Variants in SWAP70 observed in about 807,000 individuals in gnomAD.
SWAP70 encodes the protein switching B cell complex subunit SWAP70, also known as switch-associated protein 70.
A neutral mutation model predicts 80.2 loss-of-function variants in SWAP70; 34 were observed. The ratio of observed to expected loss-of-function variants is 0.42; its 90% CI spans 0.32 to 0.56. The LOEUF (loss-of-function observed/expected upper bound fraction) is 0.56, where lower values mean the gene tolerates loss of function less well. Ranked by LOEUF, SWAP70 falls within the 20% of genes least tolerant of loss-of-function variation. SWAP70 has a pLI of 0.09. For missense variants in SWAP70, 578 were observed against 690.7 expected (o/e 0.84, Z 1.83); for synonymous variants, 239 against 238.5 (o/e 1.00, Z -0.02).
intron 2 of SWAP70, among the ~76,000 whole-genome samples, chr11:9,696,320 T>G (rs1448573166): frequency 6.6e-6 from 1 of 152,206 alleles, no homozygotes; most frequent in East Asian, 1.9e-4. Context: ...TTAAATAATT[T>G]TTAAAATTGG....
intron 1 of SWAP70, among the ~76,000 whole-genome samples, chr11:9,676,988 C>G (rs916850023): frequency 1.3e-5 from 2 of 151,620 alleles, no homozygotes; most frequent in Admixed American, 6.6e-5. Flanking sequence ...TTTCAGTCCA[C>G]ACTTGCTTGA....
At chr11:9,696,358 A>G (rs544963505) in intron 2 of SWAP70, among the ~76,000 whole-genome samples, 1 of 152,226 alleles carries the variant, frequency 6.6e-6, no homozygotes, top group African/African-American at 2.4e-5. Flanking sequence ...AAGGTAGTAC[A>G]TAAGCAGTTA....
At chr11:9,731,595 G>C (rs1851299273) in intron 6 of SWAP70, among the ~76,000 whole-genome samples, 1 of 152,126 alleles carries the variant, frequency 6.6e-6, no homozygotes. Flanking sequence ...TAGTACTTTT[G>C]GTGTGCCATG....
chr11:9,721,714 G>C (rs1314561757), intron 3 of SWAP70, among the ~76,000 whole-genome samples: 1 of 151,904 alleles, frequency 6.6e-6, no homozygotes, highest in Admixed American at 6.6e-5. Context: ...CCCAAGTGAT[G>C]CTCCTGTCTC....
rs759910023 is a variant in SWAP70 at position 9,699,861 on chromosome 11, A to AGT, written c.240+5580_240+5581dup. On this transcript the variant is annotated intron_variant, in intron 2 of 11. Transcript: ENST00000318950. The stretch of plus-strand genomic sequence containing the variant: ...TCTCACTGTGTCACCCAGGCTGTAT[A>AGT]GTGTGTATATATATATATATATATA... Among the ~76,000 whole-genome samples the AGT allele has an allele frequency of 8.8e-3, 704 of 79,694 alleles. 7 individuals carry two copies. The highest frequency in any genetic ancestry group is 9.3e-3 in the Non-Finnish European group (318 of 34,062). The allele number at this position is 79,694 out of a possible 152,430, so 52.3% of individuals were successfully genotyped here. A position where few individuals can be genotyped will look rare whatever the true frequency, so the allele number is the denominator to read the frequency against.
intron 2 of SWAP70, among the ~76,000 whole-genome samples, chr11:9,705,743 A>G (rs1401330669): frequency 7.4e-6 from 1 of 136,048 alleles, no homozygotes. Flanking sequence ...GGTGATCTGT[A>G]TGCACTGGTG....
intron 5 of SWAP70, among the ~76,000 whole-genome samples, chr11:9,728,604 A>G (rs774543734): frequency 6.6e-6 from 1 of 152,246 alleles, no homozygotes; most frequent in Non-Finnish European, 1.5e-5. Flanking sequence ...AGATGTAAGC[A>G]TTGTCTTTGA....
intron 2 of SWAP70, among the ~76,000 whole-genome samples, chr11:9,699,490 A>G (rs917814508): frequency 6.6e-6 from 1 of 152,006 alleles, no homozygotes; most frequent in Admixed American, 6.6e-5. Flanking sequence ...TGCTGAATAT[A>G]TTTCATATAT....
intron 6 of SWAP70, among the ~76,000 whole-genome samples, chr11:9,730,368 T>C (rs917895211): frequency 2.6e-5 from 4 of 151,866 alleles, no homozygotes; most frequent in African/African-American, 9.7e-5. Context: ...TTATGTTCTG[T>C]TTATGGGTTA....
In SWAP70 at chr11:9,729,327, T is replaced by C; in HGVS notation, c.790-16T>C. 4 of 1,542,522 alleles carry C rather than the reference T, an allele frequency of 2.6e-6. No individual in the cohort carries two copies. The highest frequency in any genetic ancestry group is 3.5e-6 in the Non-Finnish European group (4 of 1,128,846). On this transcript the variant is annotated splice_polypyrimidine_tract_variant and intron_variant, in intron 5 of 11. Coordinates refer to ENST00000318950, the MANE Select transcript of SWAP70 (RefSeq NM_015055.4). The stretch of plus-strand genomic sequence containing the variant: ...TACTTAAAATTTTGAGGAACTAATT[T>C]TGCTTTCTGTTTTAGTCCTTGCCTG...
intron 8 of SWAP70, among the ~76,000 whole-genome samples, chr11:9,738,553 T>G (rs1851394238): frequency 6.6e-6 from 1 of 152,106 alleles, no homozygotes; most frequent in African/African-American, 2.4e-5. Context: ...ACATAAACCT[T>G]GTTTTCAAGA....
chr11:9,683,266 C>T lies in SWAP70; in HGVS notation c.100-10880C>T, dbSNP rs557103559. On this transcript the variant is annotated intron_variant, in intron 1 of 11. Transcript: ENST00000318950. ...TAGAAAAATTAGCTGGGTGTGATGG[C>T]AGGTGCCTGTAGTCCCAGCTGCTGG... Among the ~76,000 whole-genome samples, 6 of 149,596 alleles carry T rather than the reference C, an allele frequency of 4.0e-5. 1 individual carries two copies. Among genetic ancestry groups the T allele is most frequent in the African/African-American group, 1.5e-4 (6 of 40,468 alleles).
chr11:9,694,544 TA>T (rs1850732230), intron 2 of SWAP70, among the ~76,000 whole-genome samples: 1 of 152,326 alleles, frequency 6.6e-6, no homozygotes, highest in African/African-American at 2.4e-5. Context: ...TGTTAATCTG[TA>T]CCTATTCTCT....
chr11:9,732,618 C>A lies in SWAP70; in HGVS notation c.988C>A (p.Gln330Lys). Residue 330 changes from glutamine (Q) to lysine (K), a missense_variant, in exon 7 of 12, where the codon CAG becomes AAG. Transcript: ENST00000318950. ...GCGTCGGAAAGAACTCCGGAAGAAG[C>A]AGCTGGCTGAACAAGAGGAACTGGA... ...RQRRKELRKK[Q>K]LAEQEELERQ... The A allele has an allele frequency of 6.3e-7, 1 of 1,594,300 alleles. No homozygotes were observed. Among genetic ancestry groups the A allele is most frequent in the South Asian group, 1.1e-5 (1 of 88,684 alleles).
chr11:9,697,744 G>A (rs1590022431), intron 2 of SWAP70, among the ~76,000 whole-genome samples: 1 of 152,072 alleles, frequency 6.6e-6, no homozygotes, highest in African/African-American at 2.4e-5. Flanking sequence ...GTGTATGCAC[G>A]CCTATGTATA....
chr11:9,744,630 C>CG (rs1276077753), intron 9 of SWAP70, among the ~76,000 whole-genome samples: 1 of 152,078 alleles, frequency 6.6e-6, no homozygotes, highest in East Asian at 1.9e-4. Flanking sequence ...AGTTATTGGC[C>CG]GGACATGGTG....
chr11:9,687,278 A>T (rs1456137763), intron 1 of SWAP70, among the ~76,000 whole-genome samples: 1 of 152,232 alleles, frequency 6.6e-6, no homozygotes, highest in Non-Finnish European at 1.5e-5. Flanking sequence ...GTAGAGAAAC[A>T]GTAAGAAAAG....
At chr11:9,670,731 T>C (rs759026414) in intron 1 of SWAP70, among the ~76,000 whole-genome samples, 3 of 151,990 alleles carry the variant, frequency 2.0e-5, no homozygotes, top group Non-Finnish European at 4.4e-5. Context: ...TGAGAGTTAA[T>C]TTTTTATTAT....
At chr11:9,744,172 C>T (rs371916073) in intron 9 of SWAP70, among the ~76,000 whole-genome samples, 3 of 152,208 alleles carry the variant, frequency 2.0e-5, no homozygotes, top group African/African-American at 7.2e-5. Flanking sequence ...CCGTGTTAGC[C>T]GGGATGGTCT....
Sources: gnomAD v4.1 joint callset for allele counts (sites outside exome capture counted in the v4.1 genomes callset) on GRCh38, gnomAD v4.1.1 for gene constraint, MANE v1.5 for transcripts, NCBI Gene and HGNC (gene_info 2026-07-23, HGNC 2026-07-21) for gene names.